Variants in CAMK1D observed in about 807,000 individuals in gnomAD.
The protein encoded by CAMK1D is calcium/calmodulin dependent protein kinase ID, also known as calcium/calmodulin-dependent protein kinase type 1D.
CAMK1D carries 9 observed loss-of-function variants against 47.7 expected under a neutral mutation model. The ratio of observed to expected loss-of-function variants is 0.19; its 90% CI spans 0.11 to 0.33. The LOEUF is 0.33. CAMK1D is among the 10% of genes least tolerant of loss of function. CAMK1D has a pLI of 1.00. For synonymous variants in CAMK1D, 184 were observed against 184.9 expected (o/e 0.99, Z 0.04); for missense variants, 291 against 488.7 (o/e 0.60, Z 3.81).
At chr10:12,564,147 GTCTCTC>G (rs56063700) in intron 2 of CAMK1D, among the ~76,000 whole-genome samples, 3,455 of 139,622 alleles carry the variant, frequency 0.025, 131 homozygotes, top group African/African-American at 0.073. Flanking sequence ...CTCTCTCTCT[GTCTCTC>G]TCTCTCTCTC....
chr10:12,397,888 C>T (rs987508591), intron 1 of CAMK1D, among the ~76,000 whole-genome samples: 10 of 152,110 alleles, frequency 6.6e-5, no homozygotes. Context: ...AAGACCTGGC[C>T]TAGGCTGGAA....
intron 2 of CAMK1D, among the ~76,000 whole-genome samples, chr10:12,611,535 T>C (rs1245550363): frequency 5.3e-5 from 8 of 150,414 alleles, no homozygotes. Flanking sequence ...GCCTGCCCAC[T>C]GAATGAAACC....
At chr10:12,375,916 A>G (rs537582490) in intron 1 of CAMK1D, among the ~76,000 whole-genome samples, 5 of 152,150 alleles carry the variant, frequency 3.3e-5, no homozygotes, top group African/African-American at 1.2e-4. Flanking sequence ...TAATCCTAGC[A>G]TTTTGGGAGG....
chr10:12,546,841 G>A (rs1306958249), intron 1 of CAMK1D, among the ~76,000 whole-genome samples: 2 of 152,090 alleles, frequency 1.3e-5, no homozygotes, highest in Middle Eastern at 3.4e-3. Flanking sequence ...ATAGCATTAG[G>A]AGATATACCT....
chr10:12,763,314 A>C (rs562061275), intron 4 of CAMK1D, among the ~76,000 whole-genome samples: 5 of 152,204 alleles, frequency 3.3e-5, no homozygotes, highest in Non-Finnish European at 5.9e-5. Flanking sequence ...AGAGCAATAG[A>C]GAGAGGATGA....
intron 2 of CAMK1D, among the ~76,000 whole-genome samples, chr10:12,624,337 C>A (rs150881717): frequency 6.6e-6 from 1 of 151,932 alleles, no homozygotes; most frequent in African/African-American, 2.4e-5. Flanking sequence ...GTTGTAAGGC[C>A]GATCTCTAGA....
At chr10:12,433,526 C>A (rs963522602) in intron 1 of CAMK1D, among the ~76,000 whole-genome samples, 1 of 152,036 alleles carries the variant, frequency 6.6e-6, no homozygotes, top group Non-Finnish European at 1.5e-5. Flanking sequence ...TCGAGGAAAG[C>A]GGAATCTGGT....
In CAMK1D at chr10:12,814,707, A is replaced by T. The variant is rs73578027; in HGVS notation, c.754+400A>T. Among the ~76,000 whole-genome samples, 536 of 152,270 alleles carry T rather than the reference A, an allele frequency of 3.5e-3. 4 individuals are homozygous for T. The highest frequency in any genetic ancestry group is 0.012 in the African/African-American group (518 of 41,554). ...GCACCCTCATGACCTAATTACCCCT[A>T]AAAGGTCCCATCCCCAAATACCATC... On this transcript the variant is annotated intron_variant, in intron 7 of 10. Coordinates refer to ENST00000619168, the MANE Select transcript of CAMK1D (RefSeq NM_153498.4).
intron 1 of CAMK1D, among the ~76,000 whole-genome samples, chr10:12,481,438 C>A (rs1834062238): frequency 6.6e-6 from 1 of 152,170 alleles, no homozygotes; most frequent in African/African-American, 2.4e-5. Flanking sequence ...CTTTGAAAAA[C>A]CGTAGCCTCT....
intron 6 of CAMK1D, among the ~76,000 whole-genome samples, chr10:12,792,208 CT>C (rs1838008000): frequency 6.6e-6 from 1 of 152,164 alleles, no homozygotes; most frequent in Non-Finnish European, 1.5e-5. Flanking sequence ...CTCATTTCTT[CT>C]GAGACGTCTT....
intron 3 of CAMK1D, among the ~76,000 whole-genome samples, chr10:12,684,779 T>A (rs1188350179): frequency 8.2e-6 from 1 of 121,698 alleles, no homozygotes; most frequent in East Asian, 2.5e-4. Context: ...GTTGGGAGTT[T>A]GGCCAATTTT....
At chr10:12,823,690 C>T (rs1363658780) in intron 8 of CAMK1D, among the ~76,000 whole-genome samples, 4 of 151,944 alleles carry the variant, frequency 2.6e-5, no homozygotes, top group African/African-American at 9.7e-5. Context: ...CAGGAATCAG[C>T]TAGAGTTAAA....
At chr10:12,595,158 A>C (rs1379505960) in intron 2 of CAMK1D, among the ~76,000 whole-genome samples, 1 of 151,886 alleles carries the variant, frequency 6.6e-6, no homozygotes, top group Non-Finnish European at 1.5e-5. Context: ...CCTGGCCAAC[A>C]TGGTGAAACT....
intron 2 of CAMK1D, among the ~76,000 whole-genome samples, chr10:12,657,992 A>G (rs909961659): frequency 3.3e-5 from 5 of 152,148 alleles, no homozygotes; most frequent in African/African-American, 1.2e-4. Context: ...TCTACTAAAA[A>G]TACAAAAATT....
rs190758006 is a variant in CAMK1D at position 12,451,235 on chromosome 10, G to C, written c.92+101325G>C. 1.1e-4 allele frequency among the ~76,000 whole-genome samples: 17 copies of C among 152,326 alleles called. No individual in the cohort carries two copies. In the East Asian group the frequency reaches 2.1e-3, roughly 19 times the overall value. ...AAGCAGTCCGCCTAGCCCCCTGCAGGCTCCTCCTCTGGCCCAGAGGAGAGA... is the reference window on the plus strand; with the variant it reads ...AAGCAGTCCGCCTAGCCCCCTGCAGCCTCCTCCTCTGGCCCAGAGGAGAGA... On this transcript the variant is annotated intron_variant, in intron 1 of 10. Transcript: ENST00000619168.
At chr10:12,795,791 C>T (rs977651863) in intron 6 of CAMK1D, among the ~76,000 whole-genome samples, 1 of 152,322 alleles carries the variant, frequency 6.6e-6, no homozygotes, top group South Asian at 2.1e-4. Context: ...CTACCAAGGA[C>T]ACTCATTTTT....
rs890307949 is a variant in CAMK1D at position 12,423,966 on chromosome 10, C to A, written c.92+74056C>A. Among the ~76,000 whole-genome samples, 4 of 152,002 alleles carry A rather than the reference C, an allele frequency of 2.6e-5. No homozygotes were observed. In the East Asian group the frequency reaches 5.8e-4, roughly 22 times the overall value. ...AGGGTCTTGAGCTGCGTTGTTCGGT[C>A]CCCCCATCCCTCATCAGGTGATACC... On this transcript the variant is annotated intron_variant, in intron 1 of 10. Coordinates refer to ENST00000619168, the MANE Select transcript of CAMK1D (RefSeq NM_153498.4).
intron 1 of CAMK1D, among the ~76,000 whole-genome samples, chr10:12,490,802 A>T (rs993241729): frequency 6.6e-6 from 1 of 152,216 alleles, no homozygotes; most frequent in African/African-American, 2.4e-5. Context: ...CCAAAAAGAA[A>T]AAAGAAAAAC....
intron 1 of CAMK1D, among the ~76,000 whole-genome samples, chr10:12,507,326 A>G (rs1588566936): frequency 6.6e-6 from 1 of 152,156 alleles, no homozygotes; most frequent in East Asian, 1.9e-4. Context: ...TGGTGCCTGC[A>G]GGCTATAGGT....
Sources: gnomAD v4.1 joint callset for allele counts (sites outside exome capture counted in the v4.1 genomes callset) on GRCh38, gnomAD v4.1.1 for gene constraint, MANE v1.5 for transcripts, NCBI Gene and HGNC (gene_info 2026-07-23, HGNC 2026-07-21) for gene names.